Variants in CACNA2D3 observed in about 807,000 individuals in gnomAD.
The protein encoded by CACNA2D3 is calcium voltage-gated channel auxiliary subunit alpha2delta 3.
CACNA2D3 carries 60 observed loss-of-function variants against 160.6 expected under a neutral mutation model. That is an observed-to-expected ratio of 0.37 (90% CI 0.30 to 0.46). The LOEUF (loss-of-function observed/expected upper bound fraction) is 0.46, where lower values mean the gene tolerates loss of function less well. Among genes scored for constraint, CACNA2D3 ranks in the 20% least tolerant of loss-of-function variants. The pLI is 1.00. For synonymous variants in CACNA2D3, 558 were observed against 492.9 expected, an observed-to-expected ratio of 1.13 and a Z score of -1.75; for missense variants, 1,205 against 1,365.0, an observed-to-expected ratio of 0.88 and a Z score of 1.85.
At chr3:54,526,743 T>A (rs1359653628) in intron 5 of CACNA2D3, among the ~76,000 whole-genome samples, 1 of 152,226 alleles carries the variant, frequency 6.6e-6, no homozygotes, top group Non-Finnish European at 1.5e-5. Flanking sequence ...CTGGCTGGAG[T>A]TCAGTGGCAT....
intron 4 of CACNA2D3, among the ~76,000 whole-genome samples, chr3:54,421,172 G>A (rs1469700425): frequency 6.6e-6 from 1 of 152,226 alleles, no homozygotes; most frequent in African/African-American, 2.4e-5. Context: ...TTTGTGGTGT[G>A]TGGGAACATA....
intron 31 of CACNA2D3, among the ~76,000 whole-genome samples, chr3:54,999,812 AAAAG>A (rs1288353476): frequency 1.3e-5 from 2 of 152,214 alleles, no homozygotes; most frequent in African/African-American, 2.4e-5. Flanking sequence ...GTCTAGTTGG[AAAAG>A]AAAGAACAGT....
chr3:54,467,598 A>G (rs763007952), intron 4 of CACNA2D3, among the ~76,000 whole-genome samples: 1 of 152,236 alleles, frequency 6.6e-6, no homozygotes, highest in African/African-American at 2.4e-5. Context: ...GAATCTGGAG[A>G]CATTATATTG....
At position 55,009,462 on chromosome 3, in the gene CACNA2D3, C is replaced by T; in HGVS notation, c.2875+19C>T. On this transcript the variant is annotated intron_variant, in intron 34 of 37. Coordinates refer to ENST00000474759, the MANE Select transcript of CACNA2D3 (RefSeq NM_018398.3). Reference sequence around the variant, plus strand: ...GCTAAAGGTGAGCAGCAACTGGTTTCTGTTTCCCAGCTTGGAGGGATAAGC... The same window carrying T: ...GCTAAAGGTGAGCAGCAACTGGTTTTTGTTTCCCAGCTTGGAGGGATAAGC... 6 of 1,612,386 alleles carry T rather than the reference C, an allele frequency of 3.7e-6. No homozygotes were observed. The highest frequency in any genetic ancestry group is 4.2e-6 in the Non-Finnish European group (5 of 1,178,416).
At chr3:54,367,709 A>T (rs1359673926) in intron 3 of CACNA2D3, 2 of 173,292 alleles carry the variant, frequency 1.2e-5, no homozygotes, top group Non-Finnish European at 2.6e-5. Context: ...GCCTTCTCAC[A>T]TGAACTTATT....
chr3:55,050,138 C>A (rs1391097390), intron 35 of CACNA2D3, among the ~76,000 whole-genome samples: 1 of 151,230 alleles, frequency 6.6e-6, no homozygotes, highest in Non-Finnish European at 1.5e-5. Context: ...GAATTTGATC[C>A]TGTCATTTTG....
chr3:54,214,991 A>G (rs1215896493), intron 2 of CACNA2D3, among the ~76,000 whole-genome samples: 2 of 152,116 alleles, frequency 1.3e-5, no homozygotes, highest in African/African-American at 4.8e-5. Context: ...AGGGGTCCTC[A>G]GATGTGACAT....
chr3:54,822,662 T>C (rs1703632707), intron 14 of CACNA2D3, among the ~76,000 whole-genome samples: 1 of 152,206 alleles, frequency 6.6e-6, no homozygotes, highest in African/African-American at 2.4e-5. Context: ...CAGCCGAAGC[T>C]ACGTGTGGGT....
chr3:54,462,282 G>T (rs376471761), intron 4 of CACNA2D3, among the ~76,000 whole-genome samples: 2 of 152,316 alleles, frequency 1.3e-5, no homozygotes, highest in East Asian at 1.9e-4. Context: ...TTCTGTAGAT[G>T]TCTATTAGGT....
intron 29 of CACNA2D3, among the ~76,000 whole-genome samples, chr3:54,977,552 G>A (rs78347968): frequency 0.014 from 2,124 of 152,256 alleles, 48 homozygotes; most frequent in African/African-American, 0.048. Flanking sequence ...GTTGGAGTAG[G>A]GACTAAGTTT....
intron 9 of CACNA2D3, among the ~76,000 whole-genome samples, chr3:54,590,471 G>A (rs1222148261): frequency 1.3e-5 from 2 of 152,046 alleles, no homozygotes; most frequent in Non-Finnish European, 2.9e-5. Context: ...GTAACATGAG[G>A]GCTCCTTGTG....
chr3:54,683,085 C>G (rs1700384611), intron 11 of CACNA2D3, among the ~76,000 whole-genome samples: 1 of 152,092 alleles, frequency 6.6e-6, no homozygotes, highest in Non-Finnish European at 1.5e-5. Context: ...TTCACACCCC[C>G]TCTACAAAGT....
At chr3:54,488,700 C>T (rs1240394424) in intron 4 of CACNA2D3, among the ~76,000 whole-genome samples, 1 of 152,176 alleles carries the variant, frequency 6.6e-6, no homozygotes, top group Non-Finnish European at 1.5e-5. Context: ...AGTACCTGTT[C>T]TGTACTCTGT....
At chr3:54,237,802 C>G (rs561327930) in intron 2 of CACNA2D3, among the ~76,000 whole-genome samples, 3 of 152,258 alleles carry the variant, frequency 2.0e-5, no homozygotes, top group Admixed American at 6.5e-5. Flanking sequence ...TTTTCTGTTG[C>G]AGGATTTCTT....
At chr3:55,055,107 G>A (rs1704329847) in intron 35 of CACNA2D3, among the ~76,000 whole-genome samples, 1 of 151,970 alleles carries the variant, frequency 6.6e-6, no homozygotes, top group Non-Finnish European at 1.5e-5. Flanking sequence ...AAAGAGAGTT[G>A]GTGTCAAATC....
At chr3:54,999,946 G>A (rs915475659) in intron 31 of CACNA2D3, among the ~76,000 whole-genome samples, 6 of 152,178 alleles carry the variant, frequency 3.9e-5, no homozygotes, top group Non-Finnish European at 2.9e-5. Flanking sequence ...TTCTTCAGAG[G>A]CCGTATCTGC....
At chr3:54,164,931 C>T (rs1700421576) in intron 2 of CACNA2D3, among the ~76,000 whole-genome samples, 1 of 152,180 alleles carries the variant, frequency 6.6e-6, no homozygotes, top group African/African-American at 2.4e-5. Flanking sequence ...CTGCGAAGCT[C>T]TTAACCCAGG....
chr3:54,908,704 G>A (rs1220274337), intron 27 of CACNA2D3, among the ~76,000 whole-genome samples: 1 of 152,244 alleles, frequency 6.6e-6, no homozygotes, highest in Non-Finnish European at 1.5e-5. Context: ...GTGACAGAGT[G>A]AGACCCTGTC....
intron 9 of CACNA2D3, among the ~76,000 whole-genome samples, chr3:54,587,973 A>C (rs1851046): frequency 0.28 from 43,332 of 152,126 alleles, 6,466 homozygotes; most frequent in Middle Eastern, 0.41. Context: ...ACCCCAGCTC[A>C]TTTTATAAGG....
Sources: gnomAD v4.1 joint callset for allele counts (sites outside exome capture counted in the v4.1 genomes callset) on GRCh38, gnomAD v4.1.1 for gene constraint, MANE v1.5 for transcripts, NCBI Gene and HGNC (gene_info 2026-07-23, HGNC 2026-07-21) for gene names.